The following CACNB4 variants were observed in gnomAD, a reference collection of about 807,000 sequenced individuals.
The protein encoded by CACNB4 is voltage-dependent L-type calcium channel subunit beta-4.
A neutral mutation model predicts 71.2 loss-of-function variants in CACNB4; 32 were observed. The observed-to-expected ratio is 0.45, with a 90% confidence interval of 0.34 to 0.60. CACNB4 has a LOEUF of 0.60. Ranked by LOEUF, CACNB4 falls within the 20% of genes least tolerant of loss-of-function variation. The probability of loss-of-function intolerance (pLI) is 0.01; values close to 1 mark genes in which losing one functional copy is unlikely to be tolerated. For missense variants in CACNB4, 464 were observed against 647.9 expected (o/e 0.72, Z 3.08); for synonymous variants, 231 against 236.9 (o/e 0.97, Z 0.23).
intron 2 of CACNB4, among the ~76,000 whole-genome samples, chr2:152,040,210 C>T (rs915611750): frequency 6.6e-6 from 1 of 152,122 alleles, no homozygotes; most frequent in African/African-American, 2.4e-5. Flanking sequence ...TATACATCTG[C>T]TGAATCTGAA....
At chr2:151,853,707 T>C (rs926177820) in intron 11 of CACNB4, 164 bp from the exon 12 acceptor site, 6 of 511,450 alleles carry the variant, frequency 1.2e-5, no homozygotes, top group African/African-American at 8.1e-5. Context: ...TCTGCTTACA[T>C]TGGCTCTCAG....
At chr2:151,898,702 A>C (rs964893196) in intron 2 of CACNB4, among the ~76,000 whole-genome samples, 3 of 152,230 alleles carry the variant, frequency 2.0e-5, no homozygotes, top group Non-Finnish European at 4.4e-5. Flanking sequence ...GCTAAGACAA[A>C]TTTATTAAAA....
intron 2 of CACNB4, among the ~76,000 whole-genome samples, chr2:151,999,133 A>C (rs967935908): frequency 1.3e-5 from 2 of 152,158 alleles, no homozygotes; most frequent in East Asian, 3.9e-4. Context: ...TTAATTATCC[A>C]GACAATCAAT....
chr2:151,936,602 T>TG (rs2099862975), intron 2 of CACNB4, among the ~76,000 whole-genome samples: 1 of 152,236 alleles, frequency 6.6e-6, no homozygotes, highest in African/African-American at 2.4e-5. Context: ...GCCTCGGATG[T>TG]CCTGTGGTAT....
intron 10 of CACNB4, among the ~76,000 whole-genome samples, chr2:151,855,632 T>C (rs1422375109): frequency 6.6e-6 from 1 of 152,222 alleles, no homozygotes; most frequent in Admixed American, 6.5e-5. Flanking sequence ...ATTTAGCTGT[T>C]TATATAACTA....
Position 151,834,364 on chromosome 2 carries a change from T to C in CACNB4, c.*4755A>G, listed in dbSNP as rs2099834436. Reference sequence around the variant, plus strand: ...ATATAACTACGACTCCCCAAACCAATTGCTACTCACTCTTAATTATACTTT... The same window carrying C: ...ATATAACTACGACTCCCCAAACCAACTGCTACTCACTCTTAATTATACTTT... On this transcript the variant is annotated 3_prime_UTR_variant, in exon 14 of 14. Transcript: ENST00000539935. The C allele has an allele frequency of 6.6e-6, 1 of 152,006 alleles. No individual in the cohort carries two copies. Among genetic ancestry groups the C allele is most frequent in the African/African-American group, 2.4e-5 (1 of 41,438 alleles). The allele number at this position is 152,006 out of a possible 1,614,324, so 9.4% of individuals were successfully genotyped here. A position where few individuals can be genotyped will look rare whatever the true frequency, so the allele number is the denominator to read the frequency against.
intron 2 of CACNB4, among the ~76,000 whole-genome samples, chr2:151,919,187 G>A (rs1171103560): frequency 6.6e-6 from 1 of 152,116 alleles, no homozygotes; most frequent in African/African-American, 2.4e-5. Flanking sequence ...TAACAGTCCA[G>A]GTTTTGCCAA....
intron 2 of CACNB4, among the ~76,000 whole-genome samples, chr2:151,901,443 C>A (rs2099853397): frequency 6.6e-6 from 1 of 151,994 alleles, no homozygotes; most frequent in South Asian, 2.1e-4. Context: ...GAGTTATTTA[C>A]TGAAAAGTCC....
chr2:151,899,690 G>A (rs943974220), intron 2 of CACNB4, among the ~76,000 whole-genome samples: 3 of 152,122 alleles, frequency 2.0e-5, no homozygotes, highest in Admixed American at 1.3e-4. Context: ...AGGACAGGGC[G>A]GGTAAGTGGA....
chr2:152,049,610 A>C (rs1166231935), intron 2 of CACNB4, among the ~76,000 whole-genome samples: 1 of 141,832 alleles, frequency 7.1e-6, no homozygotes, highest in African/African-American at 2.7e-5. Context: ...TCCCTTCCTC[A>C]TTTTCTCTCT....
chr2:152,088,591 A>G (rs1291319958), intron 2 of CACNB4, among the ~76,000 whole-genome samples: 1 of 152,266 alleles, frequency 6.6e-6, no homozygotes, highest in Non-Finnish European at 1.5e-5. Flanking sequence ...GGAGAAAGAT[A>G]CATCCATCAA....
intron 2 of CACNB4, among the ~76,000 whole-genome samples, chr2:151,884,945 T>C (rs2680980): frequency 0.011 from 1,722 of 152,294 alleles, 21 homozygotes; most frequent in Middle Eastern, 0.027. Context: ...GTCCACTGAG[T>C]GGGGGAAAAA....
intron 2 of CACNB4, among the ~76,000 whole-genome samples, chr2:151,934,161 A>G (rs2099862343): frequency 6.6e-6 from 1 of 152,280 alleles, no homozygotes; most frequent in Non-Finnish European, 1.5e-5. Flanking sequence ...GTGTGATCAC[A>G]GGGGACAAAA....
chr2:152,038,668 A>G (rs919302183), intron 2 of CACNB4, among the ~76,000 whole-genome samples: 1 of 152,242 alleles, frequency 6.6e-6, no homozygotes, highest in Non-Finnish European at 1.5e-5. Context: ...ACATGGCAAT[A>G]AAAGCAGGAC....
chr2:152,060,708 C>G (rs1046427967), intron 2 of CACNB4, among the ~76,000 whole-genome samples: 5 of 152,244 alleles, frequency 3.3e-5, no homozygotes, highest in Middle Eastern at 3.4e-3. Context: ...AAATCTCCAG[C>G]AACAGGGGCA....
intron 2 of CACNB4, among the ~76,000 whole-genome samples, chr2:151,920,949 T>C (rs978751657): frequency 7.2e-5 from 11 of 151,828 alleles, no homozygotes; most frequent in African/African-American, 1.5e-4. Flanking sequence ...CCATCCTGGC[T>C]AACACAGTGA....
At chr2:152,060,445 T>A (rs78643383) in intron 2 of CACNB4, among the ~76,000 whole-genome samples, 1 of 152,212 alleles carries the variant, frequency 6.6e-6, no homozygotes, top group Non-Finnish European at 1.5e-5. Flanking sequence ...CTCCTTTGAA[T>A]AGGTTCAAGG....
chr2:151,993,714 G>A (rs1403594930), intron 2 of CACNB4, among the ~76,000 whole-genome samples: 1 of 151,856 alleles, frequency 6.6e-6, no homozygotes, highest in African/African-American at 2.4e-5. Flanking sequence ...ACAGGTGTGT[G>A]CCACCACGCC....
intron 2 of CACNB4, among the ~76,000 whole-genome samples, chr2:151,897,603 A>G (rs1320952544): frequency 6.6e-6 from 1 of 152,238 alleles, no homozygotes; most frequent in East Asian, 1.9e-4. Flanking sequence ...TCTGATCATT[A>G]CCTTGATTCT....
Sources: gnomAD v4.1 joint callset for allele counts (sites outside exome capture counted in the v4.1 genomes callset) on GRCh38, gnomAD v4.1.1 for gene constraint, MANE v1.5 for transcripts, NCBI Gene and HGNC (gene_info 2026-07-23, HGNC 2026-07-21) for gene names.